ANKRD36: variants seen among roughly 807,000 people sequenced by gnomAD.
ANKRD36 encodes ankyrin repeat domain-containing protein 36A.
ANKRD36 carries 179 observed loss-of-function variants against 278.1 expected under a neutral mutation model. The ratio of observed to expected loss-of-function variants is 0.64; its 90% confidence interval spans 0.57 to 0.73. The LOEUF (loss-of-function observed/expected upper bound fraction) is 0.73. ANKRD36 is among the 30% of genes least tolerant of loss of function. The probability of loss-of-function intolerance (pLI) is 0.00; values close to 1 mark genes in which losing one functional copy is unlikely to be tolerated. For synonymous variants in ANKRD36, 320 were observed against 641.1 expected (o/e 0.50, Z 7.57); for missense variants, 1,159 against 1,956.7 (o/e 0.59, Z 7.69).
At chr2:97,115,166 T>C (rs1219017779) in intron 1 of ANKRD36, among the ~76,000 whole-genome samples, 2 of 152,232 alleles carry the variant, frequency 1.3e-5, no homozygotes, top group East Asian at 3.9e-4. Flanking sequence ...TGGATAATGG[T>C]GACATTTCAT....
intron 12 of ANKRD36, 144 bp downstream of exon 12, chr2:97,149,505 A>G (rs1405289439): frequency 6.0e-6 from 4 of 662,974 alleles, no homozygotes; most frequent in Non-Finnish European, 9.2e-6. Context: ...TTTTAAAGAA[A>G]TGGGAGGGGT....
At chr2:97,233,092 G>A (rs1440290739) in intron 67 of ANKRD36, among the ~76,000 whole-genome samples, 1 of 151,722 alleles carries the variant, frequency 6.6e-6, no homozygotes, top group African/African-American at 2.4e-5. Flanking sequence ...AAGCCGTTAT[G>A]TGACAACTGT....
At chr2:97,240,958 T>G (rs2074217421) in intron 68 of ANKRD36, among the ~76,000 whole-genome samples, 1 of 135,080 alleles carries the variant, frequency 7.4e-6, no homozygotes, top group African/African-American at 2.8e-5. Context: ...TAGATCAAAT[T>G]ATCTTATGCA....
chr2:97,240,986 T>TTTG (rs2074256742), intron 68 of ANKRD36, among the ~76,000 whole-genome samples: 1 of 26,854 alleles, frequency 3.7e-5, no homozygotes, highest in East Asian at 1.5e-3. Flanking sequence ...AACTATGTTT[T>TTTG]TTTTTTTTTT....
intron 45 of ANKRD36, 36 bp downstream of exon 45, chr2:97,200,398 A>T (rs2061015185): frequency 6.2e-7 from 1 of 1,603,724 alleles, no homozygotes. Flanking sequence ...GAGCTAGTAA[A>T]CGTATAGCCT....
chr2:97,138,036 C>T (rs1262054132), intron 6 of ANKRD36, among the ~76,000 whole-genome samples: 10 of 151,820 alleles, frequency 6.6e-5, no homozygotes, highest in South Asian at 4.2e-4. Flanking sequence ...TGCAAACATT[C>T]CCTCCCATTC....
At chr2:97,158,303 C>G (rs1477648180) in intron 16 of ANKRD36, 136 bp downstream of exon 16, 2 of 1,024,044 alleles carry the variant, frequency 2.0e-6, no homozygotes, top group Non-Finnish European at 2.8e-6. Flanking sequence ...TCTTGGCTCA[C>G]TGCAACTTCT....
At chr2:97,156,671 C>T (rs552697931) in intron 15 of ANKRD36, among the ~76,000 whole-genome samples, 1 of 137,964 alleles carries the variant, frequency 7.2e-6, no homozygotes, top group African/African-American at 2.6e-5. Context: ...AATAGTGCCG[C>T]AATAAACATA....
intron 6 of ANKRD36, among the ~76,000 whole-genome samples, chr2:97,140,195 A>G (rs2042531735): frequency 6.6e-6 from 1 of 151,506 alleles, no homozygotes; most frequent in Non-Finnish European, 1.5e-5. Flanking sequence ...AAAAAATTAC[A>G]CCATTCTTCA....
intron 19 of ANKRD36, 41 bp from the exon 20 acceptor site, chr2:97,164,356 A>G (rs1480411805): frequency 2.0e-6 from 3 of 1,536,996 alleles, no homozygotes; most frequent in Admixed American, 3.9e-5. Context: ...TCTGTGATAT[A>G]TACATGATAT....
intron 66 of ANKRD36, among the ~76,000 whole-genome samples, chr2:97,221,973 A>T (rs1439750150): frequency 1.3e-5 from 2 of 148,598 alleles, no homozygotes; most frequent in African/African-American, 5.0e-5. Context: ...TAAGGAAGGG[A>T]TCCAGTTTCA....
At chr2:97,183,761 A>G in intron 28 of ANKRD36, 107 bp downstream of exon 28, 20 of 1,385,104 alleles carry the variant, frequency 1.4e-5, no homozygotes, top group Non-Finnish European at 1.9e-5. Context: ...TTTCTGATTC[A>G]GCAGGCCTGA....
chr2:97,211,479 G>A (rs1337278421), intron 56 of ANKRD36, 67 bp from the exon 57 acceptor site: 42 of 1,577,474 alleles, frequency 2.7e-5, no homozygotes, highest in African/African-American at 6.8e-5. Context: ...TGCTAACACT[G>A]TATGAATGTA....
At chr2:97,195,527 A>G (rs908841116) in intron 40 of ANKRD36, among the ~76,000 whole-genome samples, 1 of 152,020 alleles carries the variant, frequency 6.6e-6, no homozygotes, top group Admixed American at 6.6e-5. Context: ...TGGAAGCAGG[A>G]AACAGTGGTT....
At chr2:97,207,699 G>A in intron 52 of ANKRD36, 112 bp from the exon 53 acceptor site, 1 of 1,496,508 alleles carries the variant, frequency 6.7e-7, no homozygotes, top group Non-Finnish European at 9.1e-7. Flanking sequence ...AGCCATCAAA[G>A]CCTACGCTAA....
intron 40 of ANKRD36, among the ~76,000 whole-genome samples, chr2:97,196,256 T>C (rs2059728025): frequency 6.6e-6 from 1 of 152,004 alleles, no homozygotes; most frequent in South Asian, 2.1e-4. Context: ...TGCTTTGACA[T>C]TGATTCTCAG....
chr2:97,231,436 G>A (rs1368254663), intron 67 of ANKRD36, among the ~76,000 whole-genome samples: 1 of 152,168 alleles, frequency 6.6e-6, no homozygotes, highest in East Asian at 1.9e-4. Flanking sequence ...GACCCTCTGA[G>A]CCAGGTGCAG....
intron 32 of ANKRD36, among the ~76,000 whole-genome samples, chr2:97,188,861 C>T (rs140847070): frequency 0.028 from 2,547 of 89,840 alleles, 273 homozygotes; most frequent in African/African-American, 0.063. Flanking sequence ...CGACATATGA[C>T]GAATCATACC....
At chr2:97,229,731 C>G (rs2071236115) in intron 67 of ANKRD36, among the ~76,000 whole-genome samples, 2 of 152,010 alleles carry the variant, frequency 1.3e-5, no homozygotes, top group Non-Finnish European at 1.5e-5. Context: ...TCTTCCTAGT[C>G]TCGATGGTCT....
Sources: allele counts gnomAD v4.1 joint callset (sites outside exome capture counted in the v4.1 genomes callset), GRCh38; gene constraint gnomAD v4.1.1; transcripts MANE v1.5; gene names NCBI Gene and HGNC (gene_info 2026-07-23, HGNC 2026-07-21).